The following ROBO1 variants were observed in gnomAD, a reference collection of about 807,000 sequenced individuals.
The protein encoded by ROBO1 is roundabout guidance receptor 1.
Under a neutral mutation model 195.9 loss-of-function variants are expected in ROBO1, and 149 were observed. The observed-to-expected ratio is 0.76, with a 90% CI of 0.67 to 0.87. ROBO1 has a LOEUF of 0.87. Ranked by LOEUF, ROBO1 falls within the 40% of genes least tolerant of loss-of-function variation. ROBO1 has a pLI of 0.00. For synonymous variants in ROBO1, 816 were observed against 733.2 expected, an observed-to-expected ratio of 1.11 and a Z score of -1.82; for missense variants, 1,933 against 2,068.3, an observed-to-expected ratio of 0.93 and a Z score of 1.27.
chr3:78,958,514 T>C (rs572807348), intron 3 of ROBO1, among the ~76,000 whole-genome samples: 58 of 152,316 alleles, frequency 3.8e-4, no homozygotes, highest in Non-Finnish European at 6.9e-4. Context: ...CCCATCATTT[T>C]AGGACCAAGT....
intron 3 of ROBO1, among the ~76,000 whole-genome samples, chr3:79,006,978 A>C (rs1189468364): frequency 6.6e-6 from 1 of 152,154 alleles, no homozygotes; most frequent in African/African-American, 2.4e-5. Context: ...AGAAAATTAA[A>C]AGTTATTTAC....
intron 4 of ROBO1, among the ~76,000 whole-genome samples, chr3:78,757,374 A>C: frequency 6.6e-6 from 1 of 152,244 alleles, no homozygotes; most frequent in Non-Finnish European, 1.5e-5. Context: ...AAGTGCCTGA[A>C]AAAGACTAGA....
intron 10 of ROBO1, among the ~76,000 whole-genome samples, chr3:78,675,756 A>G (rs563225002): frequency 6.6e-6 from 1 of 152,250 alleles, no homozygotes; most frequent in Admixed American, 6.5e-5. Context: ...GGCATAGACA[A>G]ACAAAAAGAC....
chr3:79,080,593 T>C (rs1319940245), intron 3 of ROBO1, among the ~76,000 whole-genome samples: 1 of 152,068 alleles, frequency 6.6e-6, no homozygotes, highest in Non-Finnish European at 1.5e-5. Flanking sequence ...GGACAAGATA[T>C]ATGAAAAACA....
chr3:79,301,337 T>C (rs564569627), intron 2 of ROBO1, among the ~76,000 whole-genome samples: 2 of 152,294 alleles, frequency 1.3e-5, no homozygotes, highest in South Asian at 4.1e-4. Flanking sequence ...AACCCACCAA[T>C]TCCGCACACA....
Position 78,821,227 on chromosome 3 carries a change from G to C in ROBO1, c.500-74327C>G, listed in dbSNP as rs150184618. On this transcript the variant is annotated intron_variant, in intron 4 of 30. Transcript: ENST00000464233. ...GTCACCCAGGCTGGAGTACAGTGGT[G>C]CGATCTCGTCTCACTGCAGCCTCTG... 8.0e-3 allele frequency among the ~76,000 whole-genome samples: 1,162 copies of C among 145,520 alleles called. 11 individuals carry two copies. Among genetic ancestry groups the C allele is most frequent in the African/African-American group, 0.028 (1,101 of 38,964 alleles).
At chr3:78,652,329 G>T (rs1340075959) in intron 18 of ROBO1, among the ~76,000 whole-genome samples, 1 of 151,896 alleles carries the variant, frequency 6.6e-6, no homozygotes, top group Non-Finnish European at 1.5e-5. Context: ...TACACATAAG[G>T]AATATTTAAT....
At chr3:78,801,874 C>T (rs1576193579) in intron 4 of ROBO1, among the ~76,000 whole-genome samples, 1 of 152,078 alleles carries the variant, frequency 6.6e-6, no homozygotes, top group African/African-American at 2.4e-5. Context: ...AAAACAAGAA[C>T]AGGAAACACT....
rs541384424 is a variant in ROBO1 at position 79,083,119 on chromosome 3, C to T, written c.172+42337G>A. On this transcript the variant is annotated intron_variant, in intron 3 of 30. Coordinates refer to ENST00000464233, the MANE Select transcript of ROBO1 (RefSeq NM_002941.4). ...GGCTGAGGTGAGAGAATCACTTGGG[C>T]CAAAGAGGTTGAAGCTGCAGGAGCT... Among the ~76,000 whole-genome samples the T allele has an allele frequency of 3.3e-5, 5 of 152,060 alleles. No homozygotes were observed. The South Asian group carries it at 8.3e-4, about 25-fold the overall frequency.
At chr3:78,913,184 C>T (rs1402312242) in intron 4 of ROBO1, among the ~76,000 whole-genome samples, 2 of 152,076 alleles carry the variant, frequency 1.3e-5, no homozygotes, top group Admixed American at 6.6e-5. Context: ...AAATGTGCAT[C>T]ATATTCAAAT....
At chr3:79,175,439 C>T (rs1337670656) in intron 2 of ROBO1, among the ~76,000 whole-genome samples, 1 of 152,174 alleles carries the variant, frequency 6.6e-6, no homozygotes, top group Non-Finnish European at 1.5e-5. Context: ...AGCCACTCTG[C>T]CTGGCCCCAC....
chr3:79,305,806 A>G lies in ROBO1; in HGVS notation c.89-180267T>C, dbSNP rs1055329639. On this transcript the variant is annotated intron_variant, in intron 2 of 30. Transcript: ENST00000464233. ...CTATTACTGTGGATGTATGAGAACA[A>G]CACTCAAACTTGTGGAAAGAACATT... Among the ~76,000 whole-genome samples, 4 of 152,194 alleles carry G rather than the reference A, an allele frequency of 2.6e-5. No individual in the cohort carries two copies. The East Asian group carries it at 5.8e-4, about 22-fold the overall frequency.
intron 2 of ROBO1, among the ~76,000 whole-genome samples, chr3:79,426,930 C>A (rs2038471027): frequency 6.6e-6 from 1 of 152,076 alleles, no homozygotes; most frequent in African/African-American, 2.4e-5. Context: ...TTGTTATGAT[C>A]AGTCTTATAT....
chr3:78,940,169 G>C (rs1459161614), intron 3 of ROBO1, among the ~76,000 whole-genome samples: 7 of 152,016 alleles, frequency 4.6e-5, no homozygotes, highest in Non-Finnish European at 1.0e-4. Flanking sequence ...TTAGAAACCA[G>C]TCTTCCTCTC....
At chr3:79,390,951 A>G (rs967055115) in intron 2 of ROBO1, among the ~76,000 whole-genome samples, 1 of 152,078 alleles carries the variant, frequency 6.6e-6, no homozygotes, top group Non-Finnish European at 1.5e-5. Flanking sequence ...GAACGCTTTA[A>G]GAATACCCCA....
intron 2 of ROBO1, among the ~76,000 whole-genome samples, chr3:79,529,545 T>C (rs1575974790): frequency 6.6e-6 from 1 of 152,164 alleles, no homozygotes; most frequent in African/African-American, 2.4e-5. Flanking sequence ...TTTTAAGTTA[T>C]TAAGTAAAAT....
rs2082202128 is a variant in ROBO1, at chr3:79,225,094, CA to C, written c.89-99556del. Among the ~76,000 whole-genome samples, 3 of 151,878 alleles carry C rather than the reference CA, an allele frequency of 2.0e-5. No individual in the cohort carries two copies. In the South Asian group the frequency reaches 6.2e-4, roughly 32 times the overall value. On this transcript the variant is annotated intron_variant, in intron 2 of 30. Coordinates refer to ENST00000464233, the MANE Select transcript of ROBO1 (RefSeq NM_002941.4). ...AGAACATTCCAGAGAGAAGGAATAG[CA>C]TGTGTTTTATGGCCTTTTATGGTAT... is the stretch of plus-strand genomic sequence containing the variant.
intron 1 of ROBO1, among the ~76,000 whole-genome samples, chr3:79,656,276 T>C (rs1480030965): frequency 6.6e-6 from 1 of 151,730 alleles, no homozygotes; most frequent in African/African-American, 2.4e-5. Context: ...GTAAAGTCTG[T>C]GGTGAAAGAT....
At chr3:79,471,022 T>G in intron 2 of ROBO1, among the ~76,000 whole-genome samples, 1 of 152,116 alleles carries the variant, frequency 6.6e-6, no homozygotes, top group East Asian at 1.9e-4. Context: ...CCAGTTGATT[T>G]TCAACAAATG....
Sources: allele counts gnomAD v4.1 joint callset (sites outside exome capture counted in the v4.1 genomes callset), GRCh38; gene constraint gnomAD v4.1.1; transcripts MANE v1.5; gene names NCBI Gene and HGNC (gene_info 2026-07-23, HGNC 2026-07-21).